The following TYW1 variants were observed in gnomAD, a reference collection of about 807,000 sequenced individuals.
TYW1 encodes the protein tRNA-yW synthesizing protein 1 homolog.
In TYW1, 46 loss-of-function variants were observed where a neutral mutation model predicts 96.2. The ratio of observed to expected loss-of-function variants is 0.48; its 90% confidence interval spans 0.38 to 0.61. TYW1 has a LOEUF of 0.61. TYW1 is among the 20% of genes least tolerant of loss of function. TYW1 has a pLI of 0.00. For missense variants in TYW1, 684 were observed against 909.6 expected (o/e 0.75, Z 3.19); for synonymous variants, 274 against 323.0 (o/e 0.85, Z 1.63).
At chr7:67,115,889 G>C (rs1426221325) in intron 12 of TYW1, among the ~76,000 whole-genome samples, 2 of 152,200 alleles carry the variant, frequency 1.3e-5, no homozygotes, top group Non-Finnish European at 2.9e-5. Flanking sequence ...GGAATAAATT[G>C]TGGAATCCTT....
intron 11 of TYW1, chr7:67,089,580 T>C: frequency 1.8e-6 from 1 of 548,836 alleles, no homozygotes; most frequent in Non-Finnish European, 3.2e-6. Flanking sequence ...TCTGGTTCAG[T>C]TGTGTGAAAG....
At chr7:67,094,368 G>C (rs2949143) in intron 11 of TYW1, among the ~76,000 whole-genome samples, 1 of 151,938 alleles carries the variant, frequency 6.6e-6, no homozygotes, top group Non-Finnish European at 1.5e-5. Flanking sequence ...TTAGATACCC[G>C]GTAATGGGTT....
chr7:67,160,122 C>T (rs1030850298), intron 13 of TYW1, among the ~76,000 whole-genome samples: 2 of 152,030 alleles, frequency 1.3e-5, no homozygotes, highest in Admixed American at 1.3e-4. Flanking sequence ...TTAAGTTGAG[C>T]CAGAGGCGGT....
rs1798681307 is a variant in TYW1 at position 67,148,501 on chromosome 7, C to G, written c.1698+30883C>G. On this transcript the variant is annotated intron_variant, in intron 13 of 15. Coordinates refer to ENST00000359626, the MANE Select transcript of TYW1 (RefSeq NM_018264.4). ...AGTGCAGTGGCGTGATCTCGGCTCA[C>G]TGCAAGCTCCGCCCCCCGGGTTCAC... 1.4e-5 allele frequency among the ~76,000 whole-genome samples: 2 copies of G among 147,976 alleles called. 1 individual carries two copies. Among genetic ancestry groups the G allele is most frequent in the South Asian group, 4.3e-4 (2 of 4,666 alleles).
At chr7:67,038,325 G>A (rs1794902909) in intron 7 of TYW1, among the ~76,000 whole-genome samples, 1 of 151,744 alleles carries the variant, frequency 6.6e-6, no homozygotes, top group African/African-American at 2.4e-5. Context: ...TCCACACCAG[G>A]CCGGGCTTGG....
chr7:67,087,969 TCCTCCCACCTCAG>T (rs1391963628), intron 11 of TYW1, among the ~76,000 whole-genome samples: 1 of 152,120 alleles, frequency 6.6e-6, no homozygotes, highest in East Asian at 1.9e-4. Context: ...GCTCAAGTGA[TCCTCCCACCTCAG>T]CCTCCCAAGT....
chr7:67,050,537 A>G (rs563965292), intron 8 of TYW1, among the ~76,000 whole-genome samples: 3 of 151,850 alleles, frequency 2.0e-5, no homozygotes, highest in Non-Finnish European at 2.9e-5. Flanking sequence ...CCCCCTCCCC[A>G]CTTCCCCTCT....
chr7:67,189,114 C>A (rs974763352), intron 14 of TYW1, among the ~76,000 whole-genome samples: 3 of 152,180 alleles, frequency 2.0e-5, no homozygotes, highest in Admixed American at 2.0e-4. Flanking sequence ...CTTTTTCTAT[C>A]TACCCTGTGT....
chr7:67,050,199 C>T (rs1795312134), intron 8 of TYW1, 133 bp downstream of exon 8: 2 of 1,084,252 alleles, frequency 1.8e-6, no homozygotes, highest in East Asian at 4.9e-5. Context: ...AAAGATTTAC[C>T]TTTTTATTTC....
Position 67,038,637 on chromosome 7 carries a change from C to T in TYW1, c.985-11312C>T, listed in dbSNP as rs573390188. On this transcript the variant is annotated intron_variant, in intron 7 of 15. Transcript: ENST00000359626. ...ACAAACATGTGGCCAGGCATGATGG[C>T]TCACACCTGTAATCCCAGCACTTTG... 5.3e-5 allele frequency among the ~76,000 whole-genome samples: 8 copies of T among 151,858 alleles called. No individual in the cohort carries two copies. In the South Asian group the frequency reaches 1.7e-3, roughly 32 times the overall value.
intron 13 of TYW1, among the ~76,000 whole-genome samples, chr7:67,140,216 CAT>C (rs200839323): frequency 6.6e-6 from 1 of 152,216 alleles, no homozygotes; most frequent in East Asian, 1.9e-4. Flanking sequence ...CCCCCCACAA[CAT>C]GTGGGAATTC....
At position 66,998,120 on chromosome 7, in the gene TYW1, C is replaced by T; in HGVS notation, c.60C>T (p.Asn20=). 1 of 1,612,334 alleles carries T rather than the reference C, an allele frequency of 6.2e-7. No homozygotes were observed. The highest frequency in any genetic ancestry group is 1.3e-5 in the African/African-American group (1 of 74,872). ...LFSPLISLWI[N]RFYIYLGFAV... The stretch of plus-strand genomic sequence containing the variant: ...CACCTTTAATATCATTATGGATAAA[C>T]AGGTTTTACATTTATTTGGGCTTTG... Residue 20 remains asparagine, a synonymous_variant, in exon 2 of 16, where the codon AAC becomes AAT. Coordinates refer to ENST00000359626, the MANE Select transcript of TYW1 (RefSeq NM_018264.4).
Position 67,097,854 on chromosome 7 carries a change from A to C in TYW1, c.1385-687A>C, listed in dbSNP as rs191327737. 3.9e-3 allele frequency among the ~76,000 whole-genome samples: 558 copies of C among 141,438 alleles called. 3 individuals are homozygous for C. The highest frequency in any genetic ancestry group is 0.026 in the Admixed American group (371 of 14,254). The allele number at this position is 141,438 out of a possible 152,430, so 92.8% of individuals were successfully genotyped here. On this transcript the variant is annotated intron_variant, in intron 11 of 15. Transcript: ENST00000359626. ...ACCACAGACATGTGCCACCATGCCCAGCTATTTTTTTTTTTTTTTAATTTT... is the reference window on the plus strand; with the variant it reads ...ACCACAGACATGTGCCACCATGCCCCGCTATTTTTTTTTTTTTTTAATTTT...
At chr7:67,063,174 A>G (rs968319971) in intron 9 of TYW1, among the ~76,000 whole-genome samples, 8 of 152,218 alleles carry the variant, frequency 5.3e-5, no homozygotes, top group Non-Finnish European at 1.2e-4. Flanking sequence ...CATATCAAAC[A>G]TGCTAAGAAG....
At chr7:67,054,327 A>G (rs1460955801) in intron 8 of TYW1, among the ~76,000 whole-genome samples, 1 of 152,146 alleles carries the variant, frequency 6.6e-6, no homozygotes, top group African/African-American at 2.4e-5. Flanking sequence ...GTATCTTGGG[A>G]GAGAAAAATA....
At chr7:67,037,657 T>G (rs1266540067) in intron 7 of TYW1, among the ~76,000 whole-genome samples, 2 of 152,124 alleles carry the variant, frequency 1.3e-5, no homozygotes, top group African/African-American at 2.4e-5. Flanking sequence ...TTGGTTTCTT[T>G]TGTAAAGCTT....
chr7:67,119,961 A>ATT (rs61417897), intron 13 of TYW1, among the ~76,000 whole-genome samples: 1 of 149,182 alleles, frequency 6.7e-6, no homozygotes, highest in Non-Finnish European at 1.5e-5. Flanking sequence ...TAATTTTTTG[A>ATT]TTTTTTTTTT....
At chr7:67,209,885 TC>T (rs1233341516) in intron 15 of TYW1, among the ~76,000 whole-genome samples, 1 of 152,138 alleles carries the variant, frequency 6.6e-6, no homozygotes, top group African/African-American at 2.4e-5. Flanking sequence ...ATTTTTTTTT[TC>T]AATAGACTTT....
At chr7:67,081,041 A>G (rs1239562872) in intron 10 of TYW1, among the ~76,000 whole-genome samples, 1 of 133,238 alleles carries the variant, frequency 7.5e-6, no homozygotes, top group Non-Finnish European at 1.6e-5. Context: ...CTGCCCTACC[A>G]GTGAGTTTAT....
Sources: gnomAD v4.1 joint callset for allele counts (sites outside exome capture counted in the v4.1 genomes callset) on GRCh38, gnomAD v4.1.1 for gene constraint, MANE v1.5 for transcripts, NCBI Gene and HGNC (gene_info 2026-07-23, HGNC 2026-07-21) for gene names.